The following KCTD16 variants were observed in gnomAD, a reference collection of about 807,000 sequenced individuals.
KCTD16 encodes potassium channel tetramerization domain containing 16, also known as BTB/POZ domain-containing protein KCTD16.
KCTD16 carries 13 observed loss-of-function variants against 33.2 expected under a neutral mutation model. The observed-to-expected ratio is 0.39, with a 90% CI of 0.25 to 0.62. KCTD16 has a LOEUF of 0.62. Ranked by LOEUF, KCTD16 falls within the 20% of genes least tolerant of loss-of-function variation. The pLI, the probability that KCTD16 is intolerant of heterozygous loss-of-function variation, is 0.50. For synonymous variants in KCTD16, 197 were observed against 195.3 expected (o/e 1.01, Z -0.07); for missense variants, 441 against 525.1 (o/e 0.84, Z 1.57).
intron 3 of KCTD16, among the ~76,000 whole-genome samples, chr5:144,230,432 T>A (rs183586496): frequency 3.9e-5 from 6 of 152,346 alleles, no homozygotes; most frequent in Admixed American, 2.0e-4. Flanking sequence ...TCTTTAGGCA[T>A]GCTGAAAGGT....
At chr5:144,385,489 G>C (rs1200670143) in intron 3 of KCTD16, among the ~76,000 whole-genome samples, 1 of 152,050 alleles carries the variant, frequency 6.6e-6, no homozygotes, top group Non-Finnish European at 1.5e-5. Flanking sequence ...TGGGTGGAAG[G>C]GACCAAATAT....
rs560422027 is a variant in KCTD16 at position 144,352,239 on chromosome 5, C to T, written c.833-121421C>T. Among the ~76,000 whole-genome samples the T allele has an allele frequency of 2.0e-5, 3 of 152,154 alleles. No individual in the cohort carries two copies. The East Asian group carries it at 5.8e-4, about 29-fold the overall frequency. On this transcript the variant is annotated intron_variant, in intron 3 of 3. Transcript: ENST00000512467. ...GGATTGCAATAATATCAATGGCAAA[C>T]AAACTAGGACTGTTGATTCTCTAGG...
chr5:144,374,208 T>G (rs1000876055), intron 3 of KCTD16, among the ~76,000 whole-genome samples: 1 of 152,206 alleles, frequency 6.6e-6, no homozygotes, highest in Non-Finnish European at 1.5e-5. Context: ...ACCTGACAAA[T>G]ATTTCAAAAA....
At chr5:144,250,713 A>G (rs915033395) in intron 3 of KCTD16, among the ~76,000 whole-genome samples, 2 of 152,174 alleles carry the variant, frequency 1.3e-5, no homozygotes, top group Non-Finnish European at 2.9e-5. Flanking sequence ...CTTATTAGTC[A>G]GAGTTTTTTG....
intron 3 of KCTD16, among the ~76,000 whole-genome samples, chr5:144,364,738 T>A (rs1208917856): frequency 6.6e-6 from 1 of 152,226 alleles, no homozygotes; most frequent in African/African-American, 2.4e-5. Flanking sequence ...AGTAATTGCC[T>A]TATAATTATT....
chr5:144,185,571 TA>T (rs1205902694), intron 2 of KCTD16, among the ~76,000 whole-genome samples: 2 of 152,082 alleles, frequency 1.3e-5, no homozygotes, highest in African/African-American at 4.8e-5. Flanking sequence ...TCTACCCAAG[TA>T]AGTCATGCAC....
At chr5:144,347,705 T>A (rs1752842074) in intron 3 of KCTD16, among the ~76,000 whole-genome samples, 1 of 152,002 alleles carries the variant, frequency 6.6e-6, no homozygotes, top group African/African-American at 2.4e-5. Flanking sequence ...AAAGGCTGAG[T>A]CTGGGATTTC....
chr5:144,415,428 C>T (rs1200564691), intron 3 of KCTD16, among the ~76,000 whole-genome samples: 4 of 152,172 alleles, frequency 2.6e-5, no homozygotes, highest in Non-Finnish European at 5.9e-5. Flanking sequence ...TGAGGAGGGA[C>T]TGGGACCTGG....
Position 144,207,108 on chromosome 5 carries a change from G to A in KCTD16, c.394G>A (p.Asp132Asn). Reference sequence around the variant, plus strand: ...CCCCGATGAAATCAAGCAAAGCCCAGATGAATTCTGCCACAGTGACTTTGA... The same window carrying A: ...CCCCGATGAAATCAAGCAAAGCCCAAATGAATTCTGCCACAGTGACTTTGA... ...LTPDEIKQSP[D>N]EFCHSDFEDA... Residue 132 changes from aspartate (D) to asparagine (N), a missense_variant, in exon 3 of 4, where the codon GAT (aspartate) becomes AAT (asparagine). By Grantham distance (23) the Asp-to-Asn change is conservative. Transcript: ENST00000512467. 1 of 1,610,640 alleles carries A rather than the reference G, an allele frequency of 6.2e-7. No individual in the cohort carries two copies. The highest frequency in any genetic ancestry group is 1.1e-5 in the South Asian group (1 of 90,576).
Position 144,404,172 on chromosome 5 carries a change from A to C in KCTD16, c.833-69488A>C, listed in dbSNP as rs1425179528. Among the ~76,000 whole-genome samples, 4 of 152,206 alleles carry C rather than the reference A, an allele frequency of 2.6e-5. No individual in the cohort carries two copies. The East Asian group carries it at 7.7e-4, about 29-fold the overall frequency. On this transcript the variant is annotated intron_variant, in intron 3 of 3. Coordinates refer to ENST00000512467, the MANE Select transcript of KCTD16 (RefSeq NM_020768.4). ...CACCTCTTTCTGGAAAAAGAGTAAG[A>C]GGATGGAAGAAAAGAGTTTACAAAC... is the stretch of plus-strand genomic sequence containing the variant.
chr5:144,420,168 G>A (rs1753176787), intron 3 of KCTD16, among the ~76,000 whole-genome samples: 1 of 152,008 alleles, frequency 6.6e-6, no homozygotes, highest in African/African-American at 2.4e-5. Context: ...GTTATTTTTG[G>A]CCAGATAATG....
At chr5:144,344,868 G>C (rs964272118) in intron 3 of KCTD16, among the ~76,000 whole-genome samples, 18 of 151,298 alleles carry the variant, frequency 1.2e-4, no homozygotes, top group Admixed American at 1.1e-3. Flanking sequence ...TATACCCAAA[G>C]GACTATAAAT....
intron 3 of KCTD16, among the ~76,000 whole-genome samples, chr5:144,383,408 C>T (rs952533973): frequency 2.0e-5 from 3 of 152,008 alleles, no homozygotes; most frequent in African/African-American, 7.3e-5. Flanking sequence ...ACCTTTTTCA[C>T]GGGATGGATC....
intron 2 of KCTD16, among the ~76,000 whole-genome samples, chr5:144,200,512 A>G (rs947344699): frequency 2.0e-5 from 3 of 152,156 alleles, no homozygotes; most frequent in Non-Finnish European, 4.4e-5. Context: ...TACATAGCAA[A>G]TTACTTCCTA....
intron 3 of KCTD16, among the ~76,000 whole-genome samples, chr5:144,214,124 C>T (rs182814858): frequency 5.9e-5 from 9 of 152,096 alleles, no homozygotes; most frequent in African/African-American, 2.2e-4. Flanking sequence ...CTTAGTTGCC[C>T]AAGGAGGAAT....
chr5:144,212,233 C>G (rs532682426), intron 3 of KCTD16, among the ~76,000 whole-genome samples: 2 of 152,256 alleles, frequency 1.3e-5, no homozygotes, highest in South Asian at 2.1e-4. Context: ...ATGCTGTGCA[C>G]TGAGAATTGG....
chr5:144,192,171 C>T (rs922961238), intron 2 of KCTD16, among the ~76,000 whole-genome samples: 1 of 152,132 alleles, frequency 6.6e-6, no homozygotes, highest in African/African-American at 2.4e-5. Context: ...AACAGTGTTA[C>T]TCAGGGTGAC....
intron 3 of KCTD16, among the ~76,000 whole-genome samples, chr5:144,224,232 C>T (rs1387592578): frequency 2.0e-5 from 3 of 151,850 alleles, no homozygotes; most frequent in African/African-American, 7.3e-5. Context: ...ACAACAAAAA[C>T]AATTGGAGTT....
chr5:144,225,820 G>T (rs746139366), intron 3 of KCTD16, among the ~76,000 whole-genome samples: 2 of 152,058 alleles, frequency 1.3e-5, no homozygotes, highest in East Asian at 1.9e-4. Flanking sequence ...GCCTAGTTTT[G>T]CATTTGGGGA....
Sources: gnomAD v4.1 joint callset for allele counts (sites outside exome capture counted in the v4.1 genomes callset) on GRCh38, gnomAD v4.1.1 for gene constraint, MANE v1.5 for transcripts, NCBI Gene and HGNC (gene_info 2026-07-23, HGNC 2026-07-21) for gene names.